FAM107B: variants seen among roughly 807,000 people sequenced by gnomAD.
The protein encoded by FAM107B is family with sequence similarity 107 member B, also known as protein FAM107B.
In FAM107B, 21 loss-of-function variants were observed where a neutral mutation model predicts 31.5. The ratio of observed to expected loss-of-function variants is 0.67; its 90% CI spans 0.47 to 0.96. FAM107B has a LOEUF of 0.96. Ranked by LOEUF, FAM107B falls within the 40% of genes least tolerant of loss-of-function variation. The probability of loss-of-function intolerance (pLI) is 0.00; values close to 1 mark genes in which losing one functional copy is unlikely to be tolerated. For synonymous variants in FAM107B, 157 were observed against 141.5 expected, an observed-to-expected ratio of 1.11 and a Z score of -0.78; for missense variants, 452 against 377.1, an observed-to-expected ratio of 1.20 and a Z score of -1.64.
At chr10:14,752,140 G>T (rs564518704) in intron 1 of FAM107B, among the ~76,000 whole-genome samples, 4 of 152,258 alleles carry the variant, frequency 2.6e-5, no homozygotes, top group Non-Finnish European at 4.4e-5. Context: ...GCAGACTCCC[G>T]CAGGGAGCCT....
chr10:14,653,078 C>T (rs545721254), intron 2 of FAM107B, among the ~76,000 whole-genome samples: 2 of 152,224 alleles, frequency 1.3e-5, no homozygotes, highest in East Asian at 1.9e-4. Flanking sequence ...ACTCGCAATC[C>T]CTGAGTAGAG....
intron 1 of FAM107B, among the ~76,000 whole-genome samples, chr10:14,736,292 G>A (rs1460776465): frequency 2.0e-5 from 3 of 152,162 alleles, no homozygotes; most frequent in African/African-American, 7.2e-5. Context: ...CAGAGCTGAA[G>A]AAAAACACAG....
chr10:14,520,224 T>C lies in FAM107B; in HGVS notation c.*966A>G, dbSNP rs1480689880. On this transcript the variant is annotated 3_prime_UTR_variant, in exon 5 of 5. Transcript: ENST00000181796. ...TCTGATGAAGCCTCCTTGACAGCAGTCTACACTTATTTCACATTAGAATGC... is the reference window on the plus strand; with the variant it reads ...TCTGATGAAGCCTCCTTGACAGCAGCCTACACTTATTTCACATTAGAATGC... 2 of 152,376 alleles carry C rather than the reference T, an allele frequency of 1.3e-5. No homozygotes were observed. The highest frequency in any genetic ancestry group is 2.1e-4 in the South Asian group (1 of 4,828). The allele number at this position is 152,376 out of a possible 1,614,324, so 9.4% of individuals were successfully genotyped here. A position where few individuals can be genotyped will look rare whatever the true frequency, so the allele number is the denominator to read the frequency against.
chr10:14,697,178 C>G (rs963669584), intron 1 of FAM107B, among the ~76,000 whole-genome samples: 2 of 152,176 alleles, frequency 1.3e-5, no homozygotes, highest in East Asian at 1.9e-4. Flanking sequence ...GTAAAAATCT[C>G]AGCCCCTTAA....
At chr10:14,688,481 A>G (rs1056261850) in intron 1 of FAM107B, among the ~76,000 whole-genome samples, 1 of 152,172 alleles carries the variant, frequency 6.6e-6, no homozygotes, top group African/African-American at 2.4e-5. Flanking sequence ...GTACACACAT[A>G]AATACACGTA....
At chr10:14,653,807 G>A (rs952540862) in intron 2 of FAM107B, 1 of 152,156 alleles carries the variant, frequency 6.6e-6, no homozygotes, top group African/African-American at 2.4e-5. Flanking sequence ...ACAAGCTTGA[G>A]GCTAGTGTTT....
intron 1 of FAM107B, among the ~76,000 whole-genome samples, chr10:14,763,637 A>T (rs766302630): frequency 3.3e-5 from 5 of 152,178 alleles, no homozygotes; most frequent in Non-Finnish European, 1.5e-5. Flanking sequence ...TCCTAAAGAC[A>T]GCACTTCCGG....
At chr10:14,688,400 C>T (rs573288023) in intron 1 of FAM107B, among the ~76,000 whole-genome samples, 28 of 152,312 alleles carry the variant, frequency 1.8e-4, no homozygotes, top group African/African-American at 6.5e-4. Context: ...ATGTATACAT[C>T]TGTCCTATTC....
At chr10:14,576,529 A>AAACAACAAC (rs113340570) in intron 2 of FAM107B, among the ~76,000 whole-genome samples, 16,713 of 147,212 alleles carry the variant, frequency 0.11, 1,136 homozygotes, top group East Asian at 0.32. Context: ...TACATCTCAA[A>AAACAACAAC]AACAACAACA....
intron 2 of FAM107B, among the ~76,000 whole-genome samples, chr10:14,627,184 G>A (rs1489506854): frequency 2.6e-5 from 4 of 152,038 alleles, no homozygotes; most frequent in East Asian, 3.9e-4. Context: ...TCTAAATTGT[G>A]GTCATAAGAT....
chr10:14,651,395 C>T lies in FAM107B; in HGVS notation c.469+16239G>A, dbSNP rs750974995. Among the ~76,000 whole-genome samples, 15 of 152,218 alleles carry T rather than the reference C, an allele frequency of 9.9e-5. No individual in the cohort carries two copies. In the East Asian group the frequency reaches 2.9e-3, roughly 29 times the overall value. ...CTGAGGCGGGCAGATCACCTGAGGT[C>T]GGGAGTTCGAGGCCAGCCTGACCAA... is the stretch of plus-strand genomic sequence containing the variant. On this transcript the variant is annotated intron_variant, in intron 2 of 4. Transcript: ENST00000181796.
chr10:14,658,075 G>C (rs1854116506), intron 2 of FAM107B, among the ~76,000 whole-genome samples: 1 of 152,170 alleles, frequency 6.6e-6, no homozygotes, highest in African/African-American at 2.4e-5. Context: ...GCCCCCCAAA[G>C]TGCTGGGATT....
intron 2 of FAM107B, among the ~76,000 whole-genome samples, chr10:14,545,283 C>T (rs992038595): frequency 6.6e-5 from 10 of 152,088 alleles, no homozygotes; most frequent in Non-Finnish European, 1.5e-4. Flanking sequence ...TGGACGTGTG[C>T]TCTTTCTGCT....
chr10:14,655,143 G>T (rs115348914), intron 2 of FAM107B, among the ~76,000 whole-genome samples: 2 of 152,120 alleles, frequency 1.3e-5, no homozygotes, highest in East Asian at 3.9e-4. Context: ...TTCTTTAACC[G>T]TCAGATCTCA....
rs1382844507 is a variant in FAM107B, at chr10:14,774,843, G to C, written c.-180C>G. On this transcript the variant is annotated 5_prime_UTR_variant, in exon 1 of 5. Transcript: ENST00000181796. ...CACCTTCCCTGAGAGTCACTTAGCC[G>C]CTGGGGCCCCTTTGAAAGTGTCCAT... is the stretch of plus-strand genomic sequence containing the variant. 1 of 678,794 alleles carries C rather than the reference G, an allele frequency of 1.5e-6. No homozygotes were observed. 42.0% of individuals were successfully genotyped at this position (678,794 alleles called of 1,614,324 possible).
chr10:14,653,250 C>T (rs1236914676), intron 2 of FAM107B, among the ~76,000 whole-genome samples: 1 of 152,326 alleles, frequency 6.6e-6, no homozygotes, highest in South Asian at 2.1e-4. Flanking sequence ...TTCCATGGCT[C>T]AGAAAAAGCC....
At chr10:14,691,833 G>T (rs1855143044) in intron 1 of FAM107B, among the ~76,000 whole-genome samples, 2 of 150,326 alleles carry the variant, frequency 1.3e-5, no homozygotes, top group South Asian at 2.1e-4. Flanking sequence ...AGCGGAGGTT[G>T]CAGTGAGCTG....
intron 1 of FAM107B, among the ~76,000 whole-genome samples, chr10:14,753,430 A>G (rs973164077): frequency 1.6e-4 from 24 of 147,518 alleles, no homozygotes; most frequent in African/African-American, 6.2e-4. Flanking sequence ...CTATCCCAAC[A>G]CCTTCATCAT....
intron 2 of FAM107B, among the ~76,000 whole-genome samples, chr10:14,644,007 C>G (rs1265143597): frequency 1.3e-5 from 2 of 151,862 alleles, no homozygotes; most frequent in African/African-American, 4.9e-5. Flanking sequence ...TATTGTATTA[C>G]TTACTTGGAA....
Sources: gnomAD v4.1 joint callset for allele counts (sites outside exome capture counted in the v4.1 genomes callset) on GRCh38, gnomAD v4.1.1 for gene constraint, MANE v1.5 for transcripts, NCBI Gene and HGNC (gene_info 2026-07-23, HGNC 2026-07-21) for gene names.